The following STXBP6 variants were observed in gnomAD, a reference collection of about 807,000 sequenced individuals.
STXBP6 encodes syntaxin-binding protein 6.
In STXBP6, 21 loss-of-function variants were observed where a neutral mutation model predicts 26.9. That is an observed-to-expected ratio of 0.78 (90% CI 0.55 to 1.12). The LOEUF (loss-of-function observed/expected upper bound fraction) is 1.12, where lower values mean the gene tolerates loss of function less well. Ranked by LOEUF, STXBP6 falls within the 50% of genes most tolerant of loss-of-function variation. The probability of loss-of-function intolerance (pLI) is 0.00; values close to 1 mark genes in which losing one functional copy is unlikely to be tolerated. For synonymous variants in STXBP6, 97 were observed against 92.6 expected (o/e 1.05, Z -0.27); for missense variants, 232 against 257.9 (o/e 0.90, Z 0.69).
intron 2 of STXBP6, among the ~76,000 whole-genome samples, chr14:24,888,737 AG>A (rs1370934072): frequency 1.3e-5 from 2 of 150,878 alleles, no homozygotes; most frequent in East Asian, 3.9e-4. Context: ...AAAAAAAAAA[AG>A]AATGGTTCAA....
At chr14:24,938,993 A>T (rs1017832619) in intron 2 of STXBP6, among the ~76,000 whole-genome samples, 1 of 152,136 alleles carries the variant, frequency 6.6e-6, no homozygotes, top group Admixed American at 6.5e-5. Context: ...TAAAACTGAA[A>T]AATAATAATA....
chr14:24,834,821 T>G (rs796989422), intron 4 of STXBP6, among the ~76,000 whole-genome samples: 1 of 152,154 alleles, frequency 6.6e-6, no homozygotes, highest in South Asian at 2.1e-4. Flanking sequence ...TTGCAGACTA[T>G]GTATTATGGA....
intron 2 of STXBP6, among the ~76,000 whole-genome samples, chr14:24,952,412 T>A (rs1324460579): frequency 6.6e-6 from 1 of 152,162 alleles, no homozygotes; most frequent in Non-Finnish European, 1.5e-5. Flanking sequence ...AGCATAGATT[T>A]TGTTCTAAAC....
intron 2 of STXBP6, among the ~76,000 whole-genome samples, chr14:24,943,261 C>T (rs1317867501): frequency 3.9e-5 from 6 of 152,226 alleles, no homozygotes; most frequent in Non-Finnish European, 7.3e-5. Flanking sequence ...ATCCTTTTGT[C>T]TTCTGCCCTG....
Position 25,049,120 on chromosome 14 carries a change from C to T in STXBP6, c.-33+758G>A, listed in dbSNP as rs1952494. ...AAATTCTCCACCTGCAGGTCCTGTC[C>T]TCTGTGAAGATGAACGGGGTGGGGT... On this transcript the variant is annotated intron_variant, in intron 1 of 5. Transcript: ENST00000323944. This position sits in a 1 kb window ranked among gnomAD's most constrained non-coding sequence, Gnocchi z 5.6. 0.32 allele frequency: 309,847 copies of T among 976,476 alleles called. 49,597 individuals carry two copies. The highest frequency in any genetic ancestry group is 0.32 in the South Asian group (6,853 of 21,098). The allele number at this position is 976,476 out of a possible 1,614,324, so 60.5% of individuals were successfully genotyped here. A position where few individuals can be genotyped will look rare whatever the true frequency, so the allele number is the denominator to read the frequency against.
intron 4 of STXBP6, among the ~76,000 whole-genome samples, chr14:24,838,555 G>A (rs533318809): frequency 4.6e-5 from 7 of 152,088 alleles, no homozygotes; most frequent in Non-Finnish European, 8.8e-5. Context: ...GTGGTGGCTC[G>A]CACCTGTAGT....
At chr14:25,020,602 C>A (rs1031372081) in intron 1 of STXBP6, among the ~76,000 whole-genome samples, 1 of 152,248 alleles carries the variant, frequency 6.6e-6, no homozygotes, top group East Asian at 1.9e-4. Flanking sequence ...CAACGACATT[C>A]TCTTCCACTC....
chr14:24,969,337 T>C (rs2073833984), intron 2 of STXBP6, among the ~76,000 whole-genome samples: 1 of 152,186 alleles, frequency 6.6e-6, no homozygotes, highest in East Asian at 1.9e-4. Context: ...AAGAGTAGCA[T>C]CATATATTAC....
chr14:24,945,791 A>G (rs1356046696), intron 2 of STXBP6, among the ~76,000 whole-genome samples: 1 of 152,212 alleles, frequency 6.6e-6, no homozygotes, highest in Non-Finnish European at 1.5e-5. Flanking sequence ...ATATATAGTA[A>G]AAACATATAC....
At chr14:24,877,675 G>A (rs1054353045) in intron 2 of STXBP6, among the ~76,000 whole-genome samples, 2 of 152,064 alleles carry the variant, frequency 1.3e-5, no homozygotes, top group Admixed American at 1.3e-4. Context: ...TACTTAACCA[G>A]TCCCCCACTG....
At chr14:24,912,105 C>T (rs2071596031) in intron 2 of STXBP6, among the ~76,000 whole-genome samples, 1 of 152,014 alleles carries the variant, frequency 6.6e-6, no homozygotes, top group South Asian at 2.1e-4. Flanking sequence ...CATGAGAGTC[C>T]CATCAAGCTA....
At chr14:25,031,648 C>T (rs916595935) in intron 1 of STXBP6, among the ~76,000 whole-genome samples, 5 of 150,686 alleles carry the variant, frequency 3.3e-5, no homozygotes, top group African/African-American at 4.9e-5. Context: ...TATGCAAATG[C>T]AAACTTACAA....
At chr14:24,965,167 AG>A (rs1358435168) in intron 2 of STXBP6, among the ~76,000 whole-genome samples, 1 of 150,666 alleles carries the variant, frequency 6.6e-6, no homozygotes, top group Non-Finnish European at 1.5e-5. Context: ...GATTCCTGTC[AG>A]GAGTGGGACA....
intron 2 of STXBP6, among the ~76,000 whole-genome samples, chr14:24,948,239 A>G (rs920208979): frequency 6.6e-6 from 1 of 151,994 alleles, no homozygotes; most frequent in African/African-American, 2.4e-5. Flanking sequence ...GCAAGGCTTC[A>G]CTGAGGCTTC....
chr14:24,844,633 A>G (rs2068892809), intron 4 of STXBP6, among the ~76,000 whole-genome samples: 2 of 152,236 alleles, frequency 1.3e-5, no homozygotes, highest in South Asian at 4.1e-4. Flanking sequence ...TGTGAGTAGA[A>G]ACAGATCCTA....
intron 1 of STXBP6, among the ~76,000 whole-genome samples, chr14:25,034,914 G>T (rs1167645761): frequency 1.3e-5 from 2 of 152,110 alleles, no homozygotes; most frequent in African/African-American, 4.8e-5. Context: ...ACTTTGGGAG[G>T]CCAAGGGGGG....
chr14:24,818,539 C>G (rs1234914033), intron 5 of STXBP6, among the ~76,000 whole-genome samples: 1 of 152,110 alleles, frequency 6.6e-6, no homozygotes, highest in Non-Finnish European at 1.5e-5. Context: ...GGAAAACTAG[C>G]CCCGAGGTGC....
chr14:24,924,684 C>T (rs2072100114), intron 2 of STXBP6, among the ~76,000 whole-genome samples: 1 of 152,150 alleles, frequency 6.6e-6, no homozygotes, highest in South Asian at 2.1e-4. Flanking sequence ...CCTCCTGTTA[C>T]ATTCACCATT....
rs1286860254 is a variant in STXBP6, at chr14:24,895,263, T to C, written c.155-38106A>G. Among the ~76,000 whole-genome samples the C allele has an allele frequency of 5.3e-5, 8 of 152,236 alleles. No homozygotes were observed. In the East Asian group the frequency reaches 1.5e-3, roughly 29 times the overall value. On this transcript the variant is annotated intron_variant, in intron 2 of 5. Coordinates refer to ENST00000323944, the MANE Select transcript of STXBP6 (RefSeq NM_001394410.1). ...TGTGAAATGACCATTTGATTGACTG[T>C]AGCCAGGAAATAAAAACCACGAGGA... is the stretch of plus-strand genomic sequence containing the variant.
Sources: allele counts gnomAD v4.1 joint callset (sites outside exome capture counted in the v4.1 genomes callset), GRCh38; gene constraint gnomAD v4.1.1; non-coding constraint Gnocchi (gnomAD v3.1); transcripts MANE v1.5; gene names NCBI Gene and HGNC (gene_info 2026-07-23, HGNC 2026-07-21).